The following USP34 variants were observed in gnomAD, a reference collection of about 807,000 sequenced individuals.
USP34 encodes ubiquitin specific peptidase 34, also known as ubiquitin carboxyl-terminal hydrolase 34.
A neutral mutation model predicts 460.3 loss-of-function variants in USP34; 70 were observed. The ratio of observed to expected loss-of-function variants is 0.15; its 90% CI spans 0.13 to 0.19. The LOEUF (loss-of-function observed/expected upper bound fraction) is 0.19, where lower values mean the gene tolerates loss of function less well. Ranked by LOEUF, USP34 falls within the 10% of genes least tolerant of loss-of-function variation. The probability of loss-of-function intolerance (pLI) is 1.00; values close to 1 mark genes in which losing one functional copy is unlikely to be tolerated. For missense variants in USP34, 3,985 were observed against 4,236.2 expected, an observed-to-expected ratio of 0.94 and a Z score of 1.65; for synonymous variants, 1,647 against 1,405.3, an observed-to-expected ratio of 1.17 and a Z score of -3.85.
intron 8 of USP34, among the ~76,000 whole-genome samples, chr2:61,371,181 A>C (rs951798803): frequency 1.3e-5 from 2 of 152,086 alleles, no homozygotes; most frequent in Admixed American, 1.3e-4. Context: ...AATTCCTATC[A>C]CCTAATGTCA....
At chr2:61,248,884 C>A (rs1162879643) in intron 48 of USP34, among the ~76,000 whole-genome samples, 8 of 152,158 alleles carry the variant, frequency 5.3e-5, no homozygotes, top group Non-Finnish European at 1.0e-4. Flanking sequence ...ATATACACTA[C>A]GGTTTCTCCT....
chr2:61,247,664 A>C (rs1298981573), intron 49 of USP34, among the ~76,000 whole-genome samples: 1 of 152,158 alleles, frequency 6.6e-6, no homozygotes, highest in East Asian at 1.9e-4. Context: ...AATAGCTGTG[A>C]CCATAGGCAT....
At chr2:61,325,352 A>G (rs771850203) in intron 21 of USP34, 23 bp downstream of exon 21, 90 of 1,484,020 alleles carry the variant, frequency 6.1e-5, no homozygotes, top group Non-Finnish European at 7.9e-5. Flanking sequence ...AGATTTTTAA[A>G]AAGTACTGAT....
Position 61,241,751 on chromosome 2 carries a change from G to C in USP34, c.6681+15C>G. On this transcript the variant is annotated intron_variant, in intron 52 of 79. Transcript: ENST00000398571. Reference sequence around the variant, plus strand: ...GAAAAAACAATATAAAATTATACATGAAAAAAATGGTTACCTTTTCAAAAG... The same window carrying C: ...GAAAAAACAATATAAAATTATACATCAAAAAAATGGTTACCTTTTCAAAAG... 1 of 1,496,692 alleles carries C rather than the reference G, an allele frequency of 6.7e-7. No individual in the cohort carries two copies. Among genetic ancestry groups the C allele is most frequent in the Non-Finnish European group, 9.1e-7 (1 of 1,104,264 alleles). 92.7% of individuals were successfully genotyped at this position (1,496,692 alleles called of 1,614,324 possible). A position where few individuals can be genotyped will look rare whatever the true frequency, so the allele number is the denominator to read the frequency against.
intron 1 of USP34, among the ~76,000 whole-genome samples, chr2:61,445,392 G>A (rs1254330659): frequency 6.6e-6 from 1 of 151,774 alleles, no homozygotes; most frequent in Non-Finnish European, 1.5e-5. Flanking sequence ...AAAGTTAGCG[G>A]GGCGTGGTGG....
At chr2:61,439,956 G>A (rs1013568496) in intron 1 of USP34, among the ~76,000 whole-genome samples, 1 of 152,134 alleles carries the variant, frequency 6.6e-6, no homozygotes, top group Non-Finnish European at 1.5e-5. Flanking sequence ...GGATGTGGGA[G>A]GACAGGGGCA....
intron 44 of USP34, 39 bp downstream of exon 44, chr2:61,259,672 C>G (rs547487164): frequency 1.9e-6 from 3 of 1,591,724 alleles, no homozygotes; most frequent in Non-Finnish European, 1.7e-6. Context: ...AGGCATGAGC[C>G]ACAGTGCCTG....
chr2:61,278,145 T>C lies in USP34; in HGVS notation c.5433+20A>G. On this transcript the variant is annotated intron_variant, in intron 41 of 79. Coordinates refer to ENST00000398571, the MANE Select transcript of USP34 (RefSeq NM_014709.4). The stretch of plus-strand genomic sequence containing the variant: ...TTTCAATCACATTTCATAGAAACAT[T>C]TGATTATCTTAACACTTACCTGTCC... The C allele has an allele frequency of 1.2e-6, 2 of 1,608,812 alleles. No individual in the cohort carries two copies. Among genetic ancestry groups the C allele is most frequent in the South Asian group, 2.2e-5 (2 of 90,272 alleles).
chr2:61,424,891 G>A (rs1441484254), intron 1 of USP34, among the ~76,000 whole-genome samples: 1 of 152,110 alleles, frequency 6.6e-6, no homozygotes, highest in Non-Finnish European at 1.5e-5. Flanking sequence ...GTGCAATGGT[G>A]CAATATCGGC....
rs780295717 is a variant in USP34 at position 61,192,891 on chromosome 2, T to C, written c.9588+10A>G. 2.6e-5 allele frequency: 42 copies of C among 1,610,862 alleles called. No individual in the cohort carries two copies. The highest frequency in any genetic ancestry group is 3.6e-5 in the Non-Finnish European group (42 of 1,178,250). On this transcript the variant is annotated intron_variant, in intron 76 of 79. Transcript: ENST00000398571. ...TTAAAGACCAATCATCTAAAACTCA[T>C]TTTCTTTACCTGAGTCTGGCATAGC...
At chr2:61,407,912 C>T (rs114846912) in intron 2 of USP34, among the ~76,000 whole-genome samples, 1,608 of 152,114 alleles carry the variant, frequency 0.011, 22 homozygotes, top group African/African-American at 0.035. Context: ...TTCAGGATTT[C>T]GAGATCAGCC....
At chr2:61,385,537 T>C (rs1382013173) in intron 5 of USP34, among the ~76,000 whole-genome samples, 1 of 151,384 alleles carries the variant, frequency 6.6e-6, no homozygotes, top group Non-Finnish European at 1.5e-5. Context: ...CCGGACGTGG[T>C]GGCGGGCGCC....
intron 2 of USP34, among the ~76,000 whole-genome samples, chr2:61,418,464 T>C (rs1394669036): frequency 6.6e-6 from 1 of 152,218 alleles, no homozygotes; most frequent in Non-Finnish European, 1.5e-5. Context: ...CCACTAATAA[T>C]CTTACGAAAG....
chr2:61,357,718 C>T (rs750868380), intron 10 of USP34, among the ~76,000 whole-genome samples: 32 of 152,142 alleles, frequency 2.1e-4, no homozygotes, highest in South Asian at 6.2e-4. Flanking sequence ...CTGAGCAACA[C>T]GGTGAAATCC....
At chr2:61,329,003 T>G (rs1691179547) in intron 20 of USP34, among the ~76,000 whole-genome samples, 1 of 152,122 alleles carries the variant, frequency 6.6e-6, no homozygotes. Flanking sequence ...ATTTCTGCTC[T>G]TTGTTGATCC....
chr2:61,368,207 A>T (rs1692497202), intron 10 of USP34, among the ~76,000 whole-genome samples: 1 of 152,122 alleles, frequency 6.6e-6, no homozygotes, highest in Non-Finnish European at 1.5e-5. Context: ...GCCAAGGCGG[A>T]AGGATTATGA....
At chr2:61,293,115 A>G (rs1387879062) in intron 33 of USP34, among the ~76,000 whole-genome samples, 1 of 152,046 alleles carries the variant, frequency 6.6e-6, no homozygotes, top group Non-Finnish European at 1.5e-5. Flanking sequence ...ACAACAAAAT[A>G]AAACAAAAAA....
At chr2:61,294,663 C>A (rs1689969360) in intron 32 of USP34, among the ~76,000 whole-genome samples, 1 of 152,104 alleles carries the variant, frequency 6.6e-6, no homozygotes, top group Admixed American at 6.5e-5. Context: ...TCAAGTGATC[C>A]ATCCGTCTCA....
At chr2:61,346,620 T>A (rs1489626806) in intron 15 of USP34, among the ~76,000 whole-genome samples, 2 of 126,586 alleles carry the variant, frequency 1.6e-5, no homozygotes, top group Non-Finnish European at 3.2e-5. Context: ...AGGTCAGGAG[T>A]TCAAGACCAG....
Sources: gnomAD v4.1 joint callset for allele counts (sites outside exome capture counted in the v4.1 genomes callset) on GRCh38, gnomAD v4.1.1 for gene constraint, MANE v1.5 for transcripts, NCBI Gene and HGNC (gene_info 2026-07-23, HGNC 2026-07-21) for gene names.